The following NLRP14 variants were observed in gnomAD, a reference collection of about 807,000 sequenced individuals.
NLRP14 encodes NLR family pyrin domain containing 14.
A neutral mutation model predicts 94.7 loss-of-function variants in NLRP14; 105 were observed. The observed-to-expected ratio is 1.11, with a 90% CI of 0.95 to 1.30. The LOEUF (loss-of-function observed/expected upper bound fraction) is 1.30, where lower values mean the gene tolerates loss of function less well. Ranked by LOEUF, NLRP14 falls within the 50% of genes most tolerant of loss-of-function variation. The pLI, the probability that NLRP14 is intolerant of heterozygous loss-of-function variation, is 0.00. For missense variants in NLRP14, 1,362 were observed against 1,254.1 expected, an observed-to-expected ratio of 1.09 and a Z score of -1.30; for synonymous variants, 508 against 459.9, an observed-to-expected ratio of 1.10 and a Z score of -1.34.
Position 7,043,091 on chromosome 11 carries a change from A to G in NLRP14, c.1065A>G (p.Ser355=). Residue 355 remains serine, a synonymous_variant, in exon 4 of 12, where the codon TCA becomes TCG. Transcript: ENST00000299481. ...GGTGGGCCATGAAAGTATTCAGTTC[A>G]CTAAAAAGCAATGAGATGCTGTTTA... ...DKRWAMKVFS[S]LKSNEMLFSM... The G allele has an allele frequency of 6.2e-7, 1 of 1,614,182 alleles. No individual in the cohort carries two copies.
chr11:7,055,400 T>A (rs993005421), intron 6 of NLRP14, among the ~76,000 whole-genome samples: 4 of 152,048 alleles, frequency 2.6e-5, no homozygotes, highest in Non-Finnish European at 5.9e-5. Context: ...ATCAGAAAAA[T>A]AATCTCATAC....
intron 4 of NLRP14, among the ~76,000 whole-genome samples, chr11:7,044,913 A>C (rs1338129018): frequency 6.6e-6 from 1 of 152,210 alleles, no homozygotes; most frequent in Non-Finnish European, 1.5e-5. Flanking sequence ...TTATCACATA[A>C]CCTGACAGTC....
At chr11:7,089,798 C>G in the NLRP14 span, 8 of 1,602,390 alleles carry the variant, frequency 5.0e-6, no homozygotes, top group Non-Finnish European at 6.8e-6. Context: ...GAGACTACCG[C>G]GAACCCCGGG....
chr11:7,056,761 A>C (rs933557517), intron 6 of NLRP14, among the ~76,000 whole-genome samples: 4 of 152,000 alleles, frequency 2.6e-5, no homozygotes, highest in African/African-American at 9.7e-5. Flanking sequence ...GTACATATAC[A>C]TTTGTGTCCA....
intron 5 of NLRP14, among the ~76,000 whole-genome samples, chr11:7,048,547 T>C (rs1361113848): frequency 2.0e-5 from 3 of 152,128 alleles, no homozygotes; most frequent in East Asian, 1.9e-4. Flanking sequence ...TCACCAAATA[T>C]TTTCCTCCTG....
the NLRP14 span, among the ~76,000 whole-genome samples, chr11:7,083,542 C>T: frequency 1.3e-5 from 2 of 152,332 alleles, no homozygotes; most frequent in East Asian, 3.9e-4. Context: ...ATCAGTCCCA[C>T]CTACCAGCTT....
At chr11:7,081,108 G>C in the NLRP14 span, among the ~76,000 whole-genome samples, 10 of 152,310 alleles carry the variant, frequency 6.6e-5, no homozygotes, top group African/African-American at 2.2e-4. Flanking sequence ...GGAGGAGTTT[G>C]AAATGTTTCT....
intron 6 of NLRP14, among the ~76,000 whole-genome samples, chr11:7,053,535 C>A (rs989795284): frequency 1.5e-4 from 23 of 150,456 alleles, no homozygotes; most frequent in African/African-American, 5.4e-4. Context: ...TTGTAGGATA[C>A]TTAGGAAATT....
the NLRP14 span, among the ~76,000 whole-genome samples, chr11:7,085,708 T>C: frequency 0.031 from 4,710 of 152,344 alleles, 135 homozygotes; most frequent in East Asian, 0.13. Context: ...ACATATTCTC[T>C]CATATACTTT....
Position 7,058,395 on chromosome 11 carries a change from G to A in NLRP14, c.2578G>A (p.Val860Ile), listed in dbSNP as rs750749643. 4.3e-6 allele frequency: 7 copies of A among 1,612,772 alleles called. No individual in the cohort carries two copies. In the African/African-American group the frequency reaches 9.4e-5, roughly 22 times the overall value. ...AGACAATGTCTTGGGTGATGGTGGA[G>A]TAAAGCTTATGAGTGATGCCCTGCA... ...LADNVLGDGG[V>I]KLMSDALQHA... Residue 860 changes from valine (V) to isoleucine (I), a missense_variant, in exon 8 of 12, where the codon GTA becomes ATA. By Grantham distance (29) the Val-to-Ile change is conservative. Coordinates refer to ENST00000299481, the MANE Select transcript of NLRP14 (RefSeq NM_176822.4).
rs775493869 is a variant in NLRP14 at position 7,058,450 on chromosome 11, T to C, written c.2633T>C (p.Val878Ala). The C allele has an allele frequency of 3.1e-6, 5 of 1,605,550 alleles. No individual in the cohort carries two copies. The highest frequency in any genetic ancestry group is 1.7e-5 in the Admixed American group (1 of 59,900). ...QHAQCTLKSLVLRRCHFTSLS... is the reference protein window; with the variant it reads ...QHAQCTLKSLALRRCHFTSLS... ...GCACAATGTACTCTGAAGAGCCTTG[T>C]GTAAGTGTCTTCAAGTTTTTATCCT... The change falls in exon 8 of 12, where the codon GTG (valine) becomes GCG (alanine). Residue 878 changes from valine (V) to alanine (A), a missense_variant and splice_region_variant. Physicochemically the swap from Val to Ala is moderately conservative, Grantham distance 64. Coordinates refer to ENST00000299481, the MANE Select transcript of NLRP14 (RefSeq NM_176822.4).
downstream of NLRP14, among the ~76,000 whole-genome samples, chr11:7,073,014 C>G (rs1016030377): frequency 2.0e-5 from 3 of 152,304 alleles, no homozygotes; most frequent in African/African-American, 7.2e-5. Flanking sequence ...TGGGGGCCCT[C>G]TCTCCTGCCC....
At chr11:7,081,824 C>T in the NLRP14 span, among the ~76,000 whole-genome samples, 14,110 of 152,158 alleles carry the variant, frequency 0.093, 701 homozygotes, top group Admixed American at 0.16. Flanking sequence ...ATTATATAGA[C>T]GTGACTGATT....
At chr11:7,083,584 C>T in the NLRP14 span, among the ~76,000 whole-genome samples, 4 of 152,322 alleles carry the variant, frequency 2.6e-5, no homozygotes, top group African/African-American at 9.6e-5. Flanking sequence ...ACTGTTGACA[C>T]ACAGCCATCT....
chr11:7,077,818 G>A, the NLRP14 span, among the ~76,000 whole-genome samples: 1 of 152,180 alleles, frequency 6.6e-6, no homozygotes, highest in Non-Finnish European at 1.5e-5. Flanking sequence ...ACCTCCCACT[G>A]GGTGCCTCCC....
At chr11:7,061,715 AATG>A (rs1438970722) in intron 9 of NLRP14, among the ~76,000 whole-genome samples, 2 of 152,078 alleles carry the variant, frequency 1.3e-5, no homozygotes, top group Non-Finnish European at 2.9e-5. Flanking sequence ...AGGCTAGAGA[AATG>A]ATGAAGATTC....
chr11:7,024,024 T>C (rs1851981554), intron 1 of NLRP14, among the ~76,000 whole-genome samples: 1 of 151,816 alleles, frequency 6.6e-6, no homozygotes, highest in Non-Finnish European at 1.5e-5. Flanking sequence ...CCAAACTATA[T>C]CAGAAACATA....
At chr11:7,073,452 C>A (rs1205862607), downstream of NLRP14, among the ~76,000 whole-genome samples, 9 of 152,132 alleles carry the variant, frequency 5.9e-5, no homozygotes, top group African/African-American at 4.8e-5. Context: ...TTTCCAACAC[C>A]AGCTGGGTGT....
chr11:7,052,293 A>G (rs1852451943), intron 6 of NLRP14, among the ~76,000 whole-genome samples: 1 of 152,206 alleles, frequency 6.6e-6, no homozygotes, highest in African/African-American at 2.4e-5. Context: ...ATATCTTCAT[A>G]GACTTTGAAT....
Sources: allele counts gnomAD v4.1 joint callset (sites outside exome capture counted in the v4.1 genomes callset), GRCh38; gene constraint gnomAD v4.1.1; transcripts MANE v1.5; gene names NCBI Gene and HGNC (gene_info 2026-07-23, HGNC 2026-07-21).